The following CTNND2 variants were observed in gnomAD, a reference collection of about 807,000 sequenced individuals.
The protein encoded by CTNND2 is catenin delta 2, also known as catenin delta-2.
In CTNND2, 22 loss-of-function variants were observed where a neutral mutation model predicts 144.4. The observed-to-expected ratio is 0.15, with a 90% CI of 0.11 to 0.22. CTNND2 has a LOEUF of 0.22. Ranked by LOEUF, CTNND2 falls within the 10% of genes least tolerant of loss-of-function variation. The pLI is 1.00. For synonymous variants in CTNND2, 751 were observed against 695.6 expected, an observed-to-expected ratio of 1.08 and a Z score of -1.25; for missense variants, 1,353 against 1,618.8, an observed-to-expected ratio of 0.84 and a Z score of 2.82.
chr5:11,081,597 T>C (rs1171758246), intron 16 of CTNND2, among the ~76,000 whole-genome samples: 1 of 152,200 alleles, frequency 6.6e-6, no homozygotes, highest in Non-Finnish European at 1.5e-5. Context: ...TTTCAGGATT[T>C]TGGACTTCTG....
intron 1 of CTNND2, among the ~76,000 whole-genome samples, chr5:11,857,240 G>A (rs1349590208): frequency 2.0e-5 from 3 of 152,278 alleles, no homozygotes; most frequent in South Asian, 4.1e-4. Context: ...TGGAGCAAAC[G>A]TTGGAAAAGA....
At chr5:11,515,122 A>AC (rs1772040617) in intron 3 of CTNND2, among the ~76,000 whole-genome samples, 1 of 151,956 alleles carries the variant, frequency 6.6e-6, no homozygotes, top group South Asian at 2.1e-4. Flanking sequence ...AAAAAAAAAA[A>AC]AAAACGCATT....
intron 9 of CTNND2, among the ~76,000 whole-genome samples, chr5:11,280,790 G>A (rs143728403): frequency 1.0e-3 from 155 of 152,220 alleles, no homozygotes; most frequent in Non-Finnish European, 1.9e-3. Flanking sequence ...CCTTCCCCTA[G>A]TTTTTCCCTG....
chr5:11,382,607 G>GTA (rs1561309383), intron 7 of CTNND2, among the ~76,000 whole-genome samples: 1 of 142,136 alleles, frequency 7.0e-6, no homozygotes, highest in African/African-American at 2.5e-5. Context: ...GTGTGTGTGT[G>GTA]TGTGTGTGTG....
At chr5:11,226,451 G>A (rs1740370237) in intron 10 of CTNND2, among the ~76,000 whole-genome samples, 1 of 152,096 alleles carries the variant, frequency 6.6e-6, no homozygotes, top group South Asian at 2.1e-4. Flanking sequence ...GTCTGATAAA[G>A]ACACACTCGA....
intron 16 of CTNND2, among the ~76,000 whole-genome samples, 165 bp from the exon 17 acceptor site, chr5:11,023,144 T>C (rs1253941128): frequency 6.6e-6 from 1 of 152,218 alleles, no homozygotes; most frequent in Non-Finnish European, 1.5e-5. Flanking sequence ...TACACACATC[T>C]ACAGAGAAAA....
intron 2 of CTNND2, among the ~76,000 whole-genome samples, chr5:11,649,352 C>G (rs1190183819): frequency 2.0e-5 from 3 of 152,130 alleles, no homozygotes; most frequent in Non-Finnish European, 4.4e-5. Context: ...GAGTCTCGCT[C>G]TGTCACCCAG....
At chr5:11,335,927 G>T (rs961780708) in intron 9 of CTNND2, among the ~76,000 whole-genome samples, 1 of 152,068 alleles carries the variant, frequency 6.6e-6, no homozygotes, top group Non-Finnish European at 1.5e-5. Context: ...CAACCAATCA[G>T]ACATTTGCAT....
chr5:11,293,741 C>A (rs1414247869), intron 9 of CTNND2, among the ~76,000 whole-genome samples: 3 of 147,930 alleles, frequency 2.0e-5, no homozygotes, highest in Non-Finnish European at 3.0e-5. Context: ...CAGAATACAA[C>A]CACCTTTTGT....
chr5:11,014,479 G>T (rs765303054), intron 18 of CTNND2, among the ~76,000 whole-genome samples: 1 of 152,100 alleles, frequency 6.6e-6, no homozygotes, highest in Non-Finnish European at 1.5e-5. Context: ...TTAAAGACTG[G>T]CTTTAAAAGG....
At chr5:11,545,655 T>G (rs1775169494) in intron 3 of CTNND2, among the ~76,000 whole-genome samples, 1 of 92,086 alleles carries the variant, frequency 1.1e-5, no homozygotes, top group Admixed American at 1.7e-4. Context: ...AGAGCAAGAC[T>G]GTGTCTCAAA....
chr5:11,190,677 C>T (rs1736146004), intron 11 of CTNND2, among the ~76,000 whole-genome samples: 1 of 152,188 alleles, frequency 6.6e-6, no homozygotes, highest in Non-Finnish European at 1.5e-5. Context: ...CAGTTTAATA[C>T]ACAGCCATAC....
intron 6 of CTNND2, among the ~76,000 whole-genome samples, chr5:11,395,508 G>A (rs1200590041): frequency 2.6e-5 from 4 of 152,076 alleles, no homozygotes; most frequent in African/African-American, 4.8e-5. Context: ...TACATTTATC[G>A]ATGTCTTCAA....
intron 6 of CTNND2, among the ~76,000 whole-genome samples, chr5:11,389,412 A>G (rs927506725): frequency 1.4e-4 from 22 of 152,314 alleles, no homozygotes; most frequent in African/African-American, 4.3e-4. Context: ...GCTATTACAA[A>G]TTATTTTATC....
chr5:11,655,302 A>T (rs1782854798), intron 2 of CTNND2, among the ~76,000 whole-genome samples: 1 of 152,010 alleles, frequency 6.6e-6, no homozygotes, highest in East Asian at 1.9e-4. Context: ...TGTTAAGGAA[A>T]CATTGGGGAT....
intron 2 of CTNND2, among the ~76,000 whole-genome samples, chr5:11,575,667 A>G (rs1777918532): frequency 6.6e-6 from 1 of 152,138 alleles, no homozygotes; most frequent in Admixed American, 6.6e-5. Flanking sequence ...CTTATCACCA[A>G]ACATCATGTA....
rs955667504 is a variant in CTNND2, at chr5:10,973,152, C to G, written c.*301G>C. On this transcript the variant is annotated 3_prime_UTR_variant, in exon 22 of 22. Coordinates refer to ENST00000304623, the MANE Select transcript of CTNND2 (RefSeq NM_001332.4). The surrounding 1 kb of genome is among the most constrained non-coding windows in gnomAD (Gnocchi z 5.6). ...CGCCCCACCGGCCCGAATGCCTCGT[C>G]TCTCCTCCCATCAACCACGTTCAGT... is the stretch of plus-strand genomic sequence containing the variant. 3.7e-6 allele frequency: 1 copy of G among 268,268 alleles called. No individual in the cohort carries two copies. The highest frequency in any genetic ancestry group is 1.2e-4 in the South Asian group (1 of 8,088). 16.6% of individuals were successfully genotyped at this position (268,268 alleles called of 1,614,324 possible). A position where few individuals can be genotyped will look rare whatever the true frequency, so the allele number is the denominator to read the frequency against.
chr5:11,400,558 T>A (rs567606814), intron 5 of CTNND2, among the ~76,000 whole-genome samples: 9 of 152,032 alleles, frequency 5.9e-5, no homozygotes, highest in African/African-American at 1.9e-4. Flanking sequence ...TCCTCATACA[T>A]TGATGATGCT....
At chr5:11,452,759 T>G (rs1441628832) in intron 3 of CTNND2, among the ~76,000 whole-genome samples, 2 of 152,212 alleles carry the variant, frequency 1.3e-5, no homozygotes, top group African/African-American at 4.8e-5. Flanking sequence ...TACTCTGGCA[T>G]AGAATCTAAA....
Sources: gnomAD v4.1 joint callset for allele counts (sites outside exome capture counted in the v4.1 genomes callset) on GRCh38, gnomAD v4.1.1 for gene constraint, Gnocchi (gnomAD v3.1) non-coding constraint, MANE v1.5 for transcripts, NCBI Gene and HGNC (gene_info 2026-07-23, HGNC 2026-07-21) for gene names.